The following MAP7D2 variants were observed in gnomAD, a reference collection of about 807,000 sequenced individuals.
The protein encoded by MAP7D2 is MAP7 domain-containing protein 2.
Under a neutral mutation model 63.5 loss-of-function variants are expected in MAP7D2, and 33 were observed. That is an observed-to-expected ratio of 0.52 (90% CI 0.39 to 0.70). The LOEUF (loss-of-function observed/expected upper bound fraction) is 0.70, where lower values mean the gene tolerates loss of function less well. Ranked by LOEUF, MAP7D2 falls within the 30% of genes least tolerant of loss-of-function variation. The probability of loss-of-function intolerance (pLI) is 0.00; values close to 1 mark genes in which losing one functional copy is unlikely to be tolerated. For missense variants in MAP7D2, 626 were observed against 604.0 expected (o/e 1.04, Z -0.38); for synonymous variants, 224 against 223.7 (o/e 1.00, Z -0.01).
At chrX:20,071,195 A>C (rs1055144155) in intron 1 of MAP7D2, among the ~76,000 whole-genome samples, 6 of 111,758 alleles carry the variant, frequency 5.4e-5, no homozygotes, top group Non-Finnish European at 9.4e-5. Flanking sequence ...CTTAATGGTC[A>C]CTCTTGGTTG....
At chrX:20,045,637 G>T (rs893002961) in intron 6 of MAP7D2, among the ~76,000 whole-genome samples, 1 of 109,758 alleles carries the variant, frequency 9.1e-6, no homozygotes, top group Non-Finnish European at 1.9e-5. Context: ...CAAACCTGGG[G>T]TGGTCTTGGG....
intron 8 of MAP7D2, among the ~76,000 whole-genome samples, chrX:20,038,330 T>A (rs1214696003): frequency 8.9e-6 from 1 of 111,946 alleles, no homozygotes; most frequent in East Asian, 2.8e-4. Flanking sequence ...AGGCACTCAC[T>A]TTACGGCTAA....
rs186703415 is a variant in MAP7D2, at chrX:20,098,036, A to G, written c.130+18714T>C. 1.4e-3 allele frequency among the ~76,000 whole-genome samples: 161 copies of G among 111,961 alleles called. 1 individual carries two copies. Among genetic ancestry groups the G allele is most frequent in the African/African-American group, 4.8e-3 (149 of 30,806 alleles). On this transcript the variant is annotated intron_variant, in intron 1 of 16. Coordinates refer to ENST00000379643, the MANE Select transcript of MAP7D2 (RefSeq NM_001168465.2). The stretch of plus-strand genomic sequence containing the variant: ...AATATATCAATATGACTATATTGAT[A>G]TAAGTGTACACTATAACAAAAAATC...
At chrX:20,078,737 C>T (rs1043906222) in intron 1 of MAP7D2, among the ~76,000 whole-genome samples, 2 of 111,719 alleles carry the variant, frequency 1.8e-5, no homozygotes, top group African/African-American at 6.5e-5. Context: ...ATCATTATTA[C>T]TGGTTTAGAT....
chrX:20,038,494 C>G (rs1000288707), intron 8 of MAP7D2, among the ~76,000 whole-genome samples: 4 of 111,604 alleles, frequency 3.6e-5, no homozygotes, highest in African/African-American at 1.3e-4. Context: ...AAGGCTGGGG[C>G]AAAGTTCTTC....
At position 20,065,964 on chromosome X, in the gene MAP7D2, G is replaced by A. The variant is rs1044136235; in HGVS notation, c.131-1159C>T. On this transcript the variant is annotated intron_variant, in intron 1 of 16. Transcript: ENST00000379643. Reference sequence around the variant, plus strand: ...GGAGTCTCGCTCTGTCGCCCAGGCCGGACTGCGGACTGCAGTGGTGCAATC... The same window carrying A: ...GGAGTCTCGCTCTGTCGCCCAGGCCAGACTGCGGACTGCAGTGGTGCAATC... Among the ~76,000 whole-genome samples, 3 of 105,344 alleles carry A rather than the reference G, an allele frequency of 2.8e-5. No individual in the cohort carries two copies. The Admixed American group carries it at 3.0e-4, about 11-fold the overall frequency. The allele number at this position is 105,344 out of a possible 115,157, so 91.5% of individuals were successfully genotyped here. A position where few individuals can be genotyped will look rare whatever the true frequency, so the allele number is the denominator to read the frequency against.
At chrX:20,106,989 A>G (rs1478656924) in intron 1 of MAP7D2, among the ~76,000 whole-genome samples, 1 of 103,247 alleles carries the variant, frequency 9.7e-6, no homozygotes, top group Non-Finnish European at 2.0e-5. Context: ...CTCTACAAAG[A>G]AAAAAAAAAA....
chrX:20,081,630 C>A (rs944873667), intron 1 of MAP7D2, among the ~76,000 whole-genome samples: 2 of 110,545 alleles, frequency 1.8e-5, no homozygotes, highest in African/African-American at 6.6e-5. Flanking sequence ...TCTTCCTTGG[C>A]CATCTCACTG....
rs1402461581 is a variant in MAP7D2, at chrX:20,016,109, G to A, written c.1629C>T (p.Ala543=). ...CATACAGTACCTGCTTTTCAATCAT[G>A]GCTTTCTCTTGTTTTTCTTGTTCTT... ...EKQEQEKQEK[A]MIEKQKEAAE... Residue 543 remains alanine (A), a synonymous_variant, in exon 11 of 17, where the codon GCC becomes GCT. Transcript: ENST00000379643. 1 of 1,208,424 alleles carries A rather than the reference G, an allele frequency of 8.3e-7. No homozygotes were observed. The highest frequency in any genetic ancestry group is 1.1e-6 in the Non-Finnish European group (1 of 894,038).
intron 11 of MAP7D2, among the ~76,000 whole-genome samples, chrX:20,015,749 T>G (rs371341235): frequency 8.9e-6 from 1 of 112,462 alleles, no homozygotes. Flanking sequence ...TGTCAGAGGT[T>G]CCCAATGGGA....
In MAP7D2 at chrX:20,025,033, T is replaced by G; in HGVS notation, c.1330A>C (p.Ile444Leu). The G allele has an allele frequency of 1.7e-6, 2 of 1,211,385 alleles. No individual in the cohort carries two copies. The highest frequency in any genetic ancestry group is 5.9e-5 in the East Asian group (2 of 33,826). ...GCCTGTCTTCTCTTTTCAGCCAAGA[T>G]CTTCGCAGCCTCTCCTGCATCAGTG... is the stretch of plus-strand genomic sequence containing the variant. ...GTTDAGEAAK[I>L]LAEKRRQARL... Residue 444 changes from isoleucine to leucine, a missense_variant, in exon 10 of 17, where the codon ATC becomes CTC. Transcript: ENST00000379643.
chrX:20,104,304 G>C (rs768884659), intron 1 of MAP7D2, among the ~76,000 whole-genome samples: 1 of 112,507 alleles, frequency 8.9e-6, no homozygotes, highest in Non-Finnish European at 1.9e-5. Flanking sequence ...TTAATGTTTA[G>C]TTTATGATGT....
intron 1 of MAP7D2, among the ~76,000 whole-genome samples, chrX:20,066,084 G>A (rs1394163531): frequency 1.8e-5 from 2 of 110,289 alleles, no homozygotes; most frequent in African/African-American, 3.3e-5. Context: ...CACCGCGCCC[G>A]GCTAATTTTT....
At chrX:20,038,721 C>G in intron 8 of MAP7D2, among the ~76,000 whole-genome samples, 1 of 111,286 alleles carries the variant, frequency 9.0e-6, no homozygotes, top group Non-Finnish European at 1.9e-5. Context: ...ATGCTGCCAC[C>G]AGGAGATACA....
intron 1 of MAP7D2, among the ~76,000 whole-genome samples, chrX:20,085,805 A>G (rs1449614800): frequency 2.7e-5 from 3 of 112,056 alleles, no homozygotes; most frequent in Admixed American, 9.4e-5. Context: ...TCCACCTCCC[A>G]GGTTCAAGTG....
At chrX:20,021,261 G>A (rs1328127033) in intron 10 of MAP7D2, 1 of 112,212 alleles carries the variant, frequency 8.9e-6, no homozygotes, top group Non-Finnish European at 1.9e-5. Flanking sequence ...CTGGACTCCT[G>A]GTTGGCCCTT....
intron 10 of MAP7D2, among the ~76,000 whole-genome samples, chrX:20,019,596 T>A (rs769005436): frequency 5.9e-4 from 66 of 111,975 alleles, no homozygotes; most frequent in African/African-American, 2.1e-3. Flanking sequence ...AAACTTAAAC[T>A]TGAATTGTTC....
chrX:20,116,831 T>C lies in MAP7D2; in HGVS notation c.49A>G (p.Thr17Ala). 8.5e-7 allele frequency: 1 copy of C among 1,176,965 alleles called. No homozygotes were observed. Among genetic ancestry groups the C allele is most frequent in the Non-Finnish European group, 1.1e-6 (1 of 879,811 alleles). ...CCTGGGAGAGAGGTTCCCCGCGCAGTCCCCTCAGGCCGGGATCCCGTCCCG... is the reference window on the plus strand; with the variant it reads ...CCTGGGAGAGAGGTTCCCCGCGCAGCCCCCTCAGGCCGGGATCCCGTCCCG... ...GSGTGSRPEG[T>A]ARGTSLPGKI... is the part of the protein sequence containing the mutation. The change falls in exon 1 of 17, where the codon ACT (threonine) becomes GCT (alanine). Residue 17 changes from threonine (T) to alanine (A), a missense_variant. By Grantham distance (58) the Thr-to-Ala change is moderately conservative. Transcript: ENST00000379643.
At chrX:20,075,701 C>T (rs4825332) in intron 1 of MAP7D2, among the ~76,000 whole-genome samples, 41,723 of 110,872 alleles carry the variant, frequency 0.38, 9,066 homozygotes, top group African/African-American at 0.83. Flanking sequence ...AGTAAATGTA[C>T]AAATTGCTTT....
Sources: gnomAD v4.1 joint callset for allele counts (sites outside exome capture counted in the v4.1 genomes callset) on GRCh38, gnomAD v4.1.1 for gene constraint, MANE v1.5 for transcripts, NCBI Gene and HGNC (gene_info 2026-07-23, HGNC 2026-07-21) for gene names.